Variants in GLP1R observed in about 807,000 individuals in gnomAD.
GLP1R encodes glucagon-like peptide 1 receptor.
A neutral mutation model predicts 68.4 loss-of-function variants in GLP1R; 32 were observed. The ratio of observed to expected loss-of-function variants is 0.47; its 90% CI spans 0.35 to 0.63. The LOEUF is 0.63. GLP1R is among the 20% of genes least tolerant of loss of function. GLP1R has a pLI of 0.00. For missense variants in GLP1R, 502 were observed against 594.9 expected (o/e 0.84, Z 1.62); for synonymous variants, 263 against 244.4 (o/e 1.08, Z -0.71).
chr6:39,082,089 G>T (rs549973618), intron 12 of GLP1R, among the ~76,000 whole-genome samples: 2 of 152,106 alleles, frequency 1.3e-5, no homozygotes, highest in East Asian at 3.8e-4. Context: ...AGAGGATGCC[G>T]TGCAGAGAAA....
intron 12 of GLP1R, among the ~76,000 whole-genome samples, chr6:39,083,137 G>T (rs1240105621): frequency 1.3e-5 from 2 of 152,100 alleles, no homozygotes; most frequent in Non-Finnish European, 2.9e-5. Flanking sequence ...ACCAGGCCTG[G>T]CTACAGACCC....
intron 3 of GLP1R, among the ~76,000 whole-genome samples, chr6:39,062,399 C>T (rs916227269): frequency 6.6e-6 from 1 of 152,254 alleles, no homozygotes; most frequent in African/African-American, 2.4e-5. Flanking sequence ...ATGGGCCCAG[C>T]CAGGAACCAG....
rs10305471 is a variant in GLP1R, at chr6:39,072,562, A to G, written c.510-300A>G. The stretch of plus-strand genomic sequence containing the variant: ...CCACTGGGGAAACTGATCCTCATGC[A>G]TAAATCTCTTTGGTTATGCAAGACT... On this transcript the variant is annotated intron_variant, in intron 5 of 12. Transcript: ENST00000373256. Among the ~76,000 whole-genome samples, 105 of 152,370 alleles carry G rather than the reference A, an allele frequency of 6.9e-4. 1 individual carries two copies. In the East Asian group the frequency reaches 0.011, roughly 16 times the overall value.
intron 5 of GLP1R, among the ~76,000 whole-genome samples, chr6:39,069,526 G>A (rs113120569): frequency 0.16 from 24,308 of 151,316 alleles, 2,318 homozygotes; most frequent in Admixed American, 0.26. Flanking sequence ...CCAGCTACTC[G>A]GGAGGCTGAG....
chr6:39,055,890 T>G (rs1476873974), intron 1 of GLP1R, among the ~76,000 whole-genome samples: 1 of 152,022 alleles, frequency 6.6e-6, no homozygotes, highest in African/African-American at 2.4e-5. Flanking sequence ...GGACTCCAGA[T>G]TCTAGCCTTA....
Position 39,086,102 on chromosome 6 carries a change from C to T in GLP1R, c.*29C>T. On this transcript the variant is annotated 3_prime_UTR_variant, in exon 13 of 13. Transcript: ENST00000373256. The surrounding 1 kb of genome is among the most constrained non-coding windows in gnomAD (Gnocchi z 4.5). Reference sequence around the variant, plus strand: ...TCCAGCGCCTGCCCTCCCTGGGGTCCTTGCTGCAGGCCGGGTGGCCAATCC... The same window carrying T: ...TCCAGCGCCTGCCCTCCCTGGGGTCTTTGCTGCAGGCCGGGTGGCCAATCC... 1 of 1,606,314 alleles carries T rather than the reference C, an allele frequency of 6.2e-7. No homozygotes were observed. Among genetic ancestry groups the T allele is most frequent in the Non-Finnish European group, 8.5e-7 (1 of 1,175,468 alleles).
In GLP1R at chr6:39,072,979, C is replaced by G; in HGVS notation, c.627C>G (p.Ala209=). The change falls in exon 6 of 13, where the codon GCC becomes GCG. Residue 209 remains alanine (A), a synonymous_variant. Transcript: ENST00000373256. ...AALKWMYSTA[A]QQHQWDGLLS... ...TGAAGTGGATGTATAGCACAGCCGCCCAGCAGCACCAGTGGGATGGGCTCC... is the reference window on the plus strand; with the variant it reads ...TGAAGTGGATGTATAGCACAGCCGCGCAGCAGCACCAGTGGGATGGGCTCC... 6.2e-7 allele frequency: 1 copy of G among 1,614,142 alleles called. No homozygotes were observed. Among genetic ancestry groups the G allele is most frequent in the Non-Finnish European group, 8.5e-7 (1 of 1,179,988 alleles).
chr6:39,061,065 A>C (rs1293312564), intron 3 of GLP1R, among the ~76,000 whole-genome samples: 1 of 152,202 alleles, frequency 6.6e-6, no homozygotes, highest in Non-Finnish European at 1.5e-5. Flanking sequence ...CCTCCAAGGA[A>C]TGAGGGTTCC....
At chr6:39,071,495 G>A (rs191760010) in intron 5 of GLP1R, among the ~76,000 whole-genome samples, 10 of 151,924 alleles carry the variant, frequency 6.6e-5, no homozygotes, top group Admixed American at 3.3e-4. Flanking sequence ...TTCATATTGC[G>A]TATGATATAA....
In GLP1R at chr6:39,049,606, C is replaced by T. The variant is rs1157468662; in HGVS notation, c.78+688C>T. On this transcript the variant is annotated intron_variant, in intron 1 of 12. Transcript: ENST00000373256. The surrounding 1 kb of genome is among the most constrained non-coding windows in gnomAD (Gnocchi z 4.5). The stretch of plus-strand genomic sequence containing the variant: ...CCCCCCTGGAAGCAGCCAGGCGCCC[C>T]CACTCACCCACTCTGCTGACCTCCC... 6.6e-6 allele frequency among the ~76,000 whole-genome samples: 1 copy of T among 152,134 alleles called. No individual in the cohort carries two copies. Among genetic ancestry groups the T allele is most frequent in the Non-Finnish European group, 1.5e-5 (1 of 68,028 alleles).
At chr6:39,067,124 G>C (rs1306162843) in intron 5 of GLP1R, among the ~76,000 whole-genome samples, 1 of 152,058 alleles carries the variant, frequency 6.6e-6, no homozygotes, top group Non-Finnish European at 1.5e-5. Context: ...AACCCTCTCT[G>C]ATCCCATCCC....
Position 39,056,475 on chromosome 6 carries a change from G to A in GLP1R, c.157G>A (p.Asp53Asn), listed in dbSNP as rs1317906920. The change falls in exon 2 of 13, where the codon GAT (aspartate) becomes AAT (asparagine). Residue 53 changes from aspartate (D) to asparagine (N), a missense_variant. Asp to Asn is a conservative substitution (Grantham distance 23, BLOSUM62 1). Transcript: ENST00000373256. The stretch of plus-strand genomic sequence containing the variant: ...CCAGTGCCAGCGCTCCCTGACTGAG[G>A]ATCCACCTCCTGCCACAGGTGAGTC... ...RRQCQRSLTEDPPPATDLFCN... is the reference protein window; with the variant it reads ...RRQCQRSLTENPPPATDLFCN... 6.3e-7 allele frequency: 1 copy of A among 1,596,356 alleles called. No homozygotes were observed. The highest frequency in any genetic ancestry group is 8.6e-7 in the Non-Finnish European group (1 of 1,163,958).
intron 6 of GLP1R, 43 bp from the exon 7 acceptor site, chr6:39,073,567 G>A (rs1472428927): frequency 1.9e-6 from 3 of 1,580,274 alleles, no homozygotes; most frequent in Admixed American, 1.7e-5. Context: ...GAGAGGCAGA[G>A]GGCAGAGCTG....
chr6:39,084,353 A>G (rs1769089607), intron 12 of GLP1R, among the ~76,000 whole-genome samples: 1 of 152,222 alleles, frequency 6.6e-6, no homozygotes, highest in African/African-American at 2.4e-5. Flanking sequence ...GCAGAGGTTC[A>G]GGAAAAGTGC....
At chr6:39,055,726 G>GT (rs150752199) in intron 1 of GLP1R, among the ~76,000 whole-genome samples, 2 of 150,590 alleles carry the variant, frequency 1.3e-5, no homozygotes, top group African/African-American at 2.5e-5. Flanking sequence ...CGGGGAGGGG[G>GT]TGGGGGGTGC....
intron 5 of GLP1R, among the ~76,000 whole-genome samples, chr6:39,072,294 T>C (rs1029042912): frequency 1.3e-5 from 2 of 152,234 alleles, no homozygotes; most frequent in African/African-American, 4.8e-5. Context: ...CCTTATTTTG[T>C]TCCTGATTTC....
At chr6:39,073,794 G>A in intron 7 of GLP1R, 25 bp downstream of exon 7, 1 of 1,608,586 alleles carries the variant, frequency 6.2e-7, no homozygotes, top group Non-Finnish European at 8.5e-7. Flanking sequence ...CACCCACCCT[G>A]GACCTGTGGC....
Position 39,088,941 on chromosome 6 carries a change from T to C in GLP1R, c.*2868T>C, listed in dbSNP as rs139946869. Among the ~76,000 whole-genome samples the C allele has an allele frequency of 1.6e-4, 25 of 152,314 alleles. No homozygotes were observed. The highest frequency in any genetic ancestry group is 4.6e-4 in the African/African-American group (19 of 41,574). ...GCTGGGCCAGGACCCAGACAAGCCC[T>C]TTTCTCTCAGTCTAGTGAGGCCTCT... On this transcript the variant is annotated 3_prime_UTR_variant, in exon 13 of 13. Transcript: ENST00000373256.
At chr6:39,052,525 C>G (rs1248090449) in intron 1 of GLP1R, among the ~76,000 whole-genome samples, 1 of 152,100 alleles carries the variant, frequency 6.6e-6, no homozygotes, top group African/African-American at 2.4e-5. Flanking sequence ...AAAATGGTCC[C>G]CAGAGAAAGA....
Sources: allele counts gnomAD v4.1 joint callset (sites outside exome capture counted in the v4.1 genomes callset), GRCh38; gene constraint gnomAD v4.1.1; non-coding constraint Gnocchi (gnomAD v3.1); transcripts MANE v1.5; gene names NCBI Gene and HGNC (gene_info 2026-07-23, HGNC 2026-07-21).